Variants in CPZ observed in about 807,000 individuals in gnomAD.
CPZ encodes carboxypeptidase Z.
A neutral mutation model predicts 61.8 loss-of-function variants in CPZ; 103 were observed. The observed-to-expected ratio is 1.67, with a 90% confidence interval of 1.42 to 1.96. The LOEUF is 1.96. Ranked by LOEUF, CPZ falls within the 30% of genes most tolerant of loss-of-function variation. The pLI is 0.00. For missense variants in CPZ, 1,461 were observed against 914.9 expected, an observed-to-expected ratio of 1.60 and a Z score of -7.70; for synonymous variants, 551 against 373.7, an observed-to-expected ratio of 1.47 and a Z score of -5.47.
At chr4:8,617,695 G>A (rs770510205) in intron 9 of CPZ, among the ~76,000 whole-genome samples, 4 of 152,132 alleles carry the variant, frequency 2.6e-5, no homozygotes, top group Non-Finnish European at 5.9e-5. Flanking sequence ...CTCGCTGGAC[G>A]GACTCCTCTC....
At chr4:8,593,667 G>A (rs1560286953) in intron 1 of CPZ, among the ~76,000 whole-genome samples, 1 of 152,182 alleles carries the variant, frequency 6.6e-6, no homozygotes, top group African/African-American at 2.4e-5. Flanking sequence ...GGCCGTGTGT[G>A]GGTTCAAGGG....
In CPZ at chr4:8,606,826, C is replaced by T. The variant is rs1715058276; in HGVS notation, c.996C>T (p.Tyr332=). 1 of 1,614,064 alleles carries T rather than the reference C, an allele frequency of 6.2e-7. No individual in the cohort carries two copies. The highest frequency in any genetic ancestry group is 1.1e-5 in the South Asian group (1 of 91,092). The change falls in exon 6 of 11, where the codon TAC becomes TAT. Residue 332 remains tyrosine, a synonymous_variant. Transcript: ENST00000360986. ...ATTTCCCGGACCTGACGTCCGAGTA[C>T]TACCGGCTGGCGGAGACCCGCGGCG... ...NRNFPDLTSE[Y]YRLAETRGAR... is the part of the protein sequence containing the mutation.
chr4:8,600,578 G>A (rs1376457253), intron 2 of CPZ, among the ~76,000 whole-genome samples: 1 of 152,214 alleles, frequency 6.6e-6, no homozygotes, highest in African/African-American at 2.4e-5. Context: ...CAGCAACAAT[G>A]AGGACCCTAC....
intron 9 of CPZ, chr4:8,618,218 C>T (rs113591082): frequency 1.4e-4 from 82 of 581,756 alleles, no homozygotes; most frequent in Non-Finnish European, 1.7e-4. Context: ...AGAACGTGCT[C>T]GGGTCAATTG....
In CPZ at chr4:8,603,993, G is replaced by A. The variant is rs554035587; in HGVS notation, c.514G>A (p.Glu172Lys). ...EKLRGGLEAD[E>K]ALPSGLPPTF... Reference sequence around the variant, plus strand: ...TCCCCCAGGAGGCCTGGAGGCTGACGAGGCACTGCCCTCAGGGCTGCCGCC... The same window carrying A: ...TCCCCCAGGAGGCCTGGAGGCTGACAAGGCACTGCCCTCAGGGCTGCCGCC... The change falls in exon 4 of 11, where the codon GAG becomes AAG. Residue 172 changes from glutamate to lysine, a missense_variant. By Grantham distance (56) the Glu-to-Lys change is moderately conservative (BLOSUM62 1). Transcript: ENST00000360986. 16 of 1,611,964 alleles carry A rather than the reference G, an allele frequency of 9.9e-6. No individual in the cohort carries two copies. Among genetic ancestry groups the A allele is most frequent in the East Asian group, 2.2e-5 (1 of 44,886 alleles).
At chr4:8,595,869 A>G (rs117264805) in intron 1 of CPZ, among the ~76,000 whole-genome samples, 1,755 of 152,284 alleles carry the variant, frequency 0.012, 47 homozygotes, top group East Asian at 0.079. Flanking sequence ...AGACAGACAC[A>G]GGGACAAAGT....
At chr4:8,597,398 C>G (rs1303239743) in intron 1 of CPZ, 1 of 152,172 alleles carries the variant, frequency 6.6e-6, no homozygotes, top group Non-Finnish European at 1.5e-5. Context: ...AGCTGTCATG[C>G]CTCCTTTATG....
intron 1 of CPZ, among the ~76,000 whole-genome samples, chr4:8,593,795 C>T (rs969055193): frequency 6.6e-6 from 1 of 152,178 alleles, no homozygotes; most frequent in Non-Finnish European, 1.5e-5. Context: ...TGCGCTGTGT[C>T]GACACTTTTC....
chr4:8,617,873 T>C (rs1716318533), intron 9 of CPZ, among the ~76,000 whole-genome samples: 1 of 152,106 alleles, frequency 6.6e-6, no homozygotes, highest in African/African-American at 2.4e-5. Flanking sequence ...GGTGAAAACG[T>C]TGGAGCTGTG....
In CPZ at chr4:8,601,109, C is replaced by A. The variant is rs1381811519; in HGVS notation, c.122-14C>A. On this transcript the variant is annotated splice_polypyrimidine_tract_variant and intron_variant, in intron 2 of 10. Transcript: ENST00000360986. ...ACTGCAGGAGGGACTGACCTGCCGA[C>A]CCTGCCTCCCCAGCCACCTGCGTGG... 4 of 1,556,912 alleles carry A rather than the reference C, an allele frequency of 2.6e-6. No homozygotes were observed. The highest frequency in any genetic ancestry group is 1.7e-6 in the Non-Finnish European group (2 of 1,145,830).
chr4:8,607,479 T>G, intron 7 of CPZ, 54 bp downstream of exon 7: 1 of 1,578,846 alleles, frequency 6.3e-7, no homozygotes, highest in Non-Finnish European at 8.6e-7. Flanking sequence ...CGCGGTCCCC[T>G]TGGAGCTGGT....
chr4:8,602,126 T>C (rs1247498214), intron 3 of CPZ: 2 of 151,258 alleles, frequency 1.3e-5, no homozygotes, highest in African/African-American at 4.9e-5. Flanking sequence ...GGAGGGGGAG[T>C]GGGCAAGACT....
chr4:8,615,433 T>G (rs1716081058), intron 9 of CPZ, among the ~76,000 whole-genome samples: 1 of 152,146 alleles, frequency 6.6e-6, no homozygotes, highest in African/African-American at 2.4e-5. Flanking sequence ...CCAAGCGTTT[T>G]CAAGAATCAC....
At chr4:8,616,350 G>A (rs1716158849) in intron 9 of CPZ, among the ~76,000 whole-genome samples, 2 of 152,310 alleles carry the variant, frequency 1.3e-5, no homozygotes, top group African/African-American at 4.8e-5. Context: ...TTTCATGAAG[G>A]TGACCCGTGG....
intron 7 of CPZ, chr4:8,611,087 T>TTCGC (rs1715634881): frequency 2.6e-6 from 1 of 391,656 alleles, no homozygotes; most frequent in African/African-American, 2.1e-5. Context: ...CATTCGCTCA[T>TTCGC]TCACTCACTC....
In CPZ at chr4:8,601,150, C is replaced by G; in HGVS notation, c.149C>G (p.Thr50Ser). 6.3e-7 allele frequency: 1 copy of G among 1,591,234 alleles called. No homozygotes were observed. Among genetic ancestry groups the G allele is most frequent in the African/African-American group, 1.3e-5 (1 of 74,740 alleles). The change falls in exon 3 of 11, where the codon ACC becomes AGC. Residue 50 changes from threonine (T) to serine (S), a missense_variant. Coordinates refer to ENST00000360986, the MANE Select transcript of CPZ (RefSeq NM_001014447.3). The part of the protein sequence containing the change: ...SATCVDLQLR[T>S]CSDAAYNHTT... ...ACCTGCGTGGACCTGCAGCTCAGGA[C>G]CTGCAGCGATGCCGCCTACAACCAC...
chr4:8,593,289 C>T (rs1376319359), intron 1 of CPZ, among the ~76,000 whole-genome samples: 3 of 152,150 alleles, frequency 2.0e-5, no homozygotes, highest in East Asian at 1.9e-4. Context: ...CTAAGGTCCC[C>T]GGGTCTTTCC....
In CPZ at chr4:8,614,426, G is replaced by GC; in HGVS notation, c.1431_1432insC (p.Phe478LeufsTer36). 2 of 1,614,064 alleles carry GC rather than the reference G, an allele frequency of 1.2e-6. No homozygotes were observed. Among genetic ancestry groups the GC allele is most frequent in the Non-Finnish European group, 1.7e-6 (2 of 1,179,984 alleles). Reference sequence around the variant, plus strand: ...TCACGGTAGAGCTGGGCTGTGTGAAGTTCCCCCCCGAGGAGGCCCTGTACA... The same window carrying GC: ...TCACGGTAGAGCTGGGCTGTGTGAAGCTTCCCCCCCGAGGAGGCCCTGTACA... On this transcript the variant is annotated frameshift_variant, in exon 9 of 11. Coordinates refer to ENST00000360986, the MANE Select transcript of CPZ (RefSeq NM_001014447.3). LOFTEE classifies it high-confidence loss of function.
At chr4:8,617,406 G>T (rs545725109) in intron 9 of CPZ, among the ~76,000 whole-genome samples, 1 of 152,212 alleles carries the variant, frequency 6.6e-6, no homozygotes, top group African/African-American at 2.4e-5. Context: ...GGATGCTCCT[G>T]TTGCCAGGGC....
Sources: gnomAD v4.1 joint callset for allele counts (sites outside exome capture counted in the v4.1 genomes callset) on GRCh38, gnomAD v4.1.1 for gene constraint, MANE v1.5 for transcripts, NCBI Gene and HGNC (gene_info 2026-07-23, HGNC 2026-07-21) for gene names.